Variants in SRPX observed in about 807,000 individuals in gnomAD.
The protein encoded by SRPX is sushi repeat containing protein X-linked, also known as sushi repeat-containing protein SRPX.
SRPX carries 24 observed loss-of-function variants against 38.1 expected under a neutral mutation model. The observed-to-expected ratio is 0.63, with a 90% confidence interval of 0.46 to 0.89. SRPX has a LOEUF of 0.89. SRPX is among the 40% of genes least tolerant of loss of function. The pLI, the probability that SRPX is intolerant of heterozygous loss-of-function variation, is 0.00. For synonymous variants in SRPX, 184 were observed against 153.8 expected (o/e 1.20, Z -1.45); for missense variants, 416 against 377.8 (o/e 1.10, Z -0.84).
chrX:38,181,446 T>C (rs966165656), intron 1 of SRPX, among the ~76,000 whole-genome samples: 2 of 112,375 alleles, frequency 1.8e-5, no homozygotes, highest in African/African-American at 6.5e-5. Flanking sequence ...AACTCTTTTC[T>C]ACAGTTGTGC....
chrX:38,179,231 C>A (rs1242566343), intron 1 of SRPX, among the ~76,000 whole-genome samples: 1 of 112,138 alleles, frequency 8.9e-6, no homozygotes, highest in Non-Finnish European at 1.9e-5. Context: ...CAGGCGTGAG[C>A]CACCGTGCCC....
chrX:38,165,539 G>C (rs777172602), intron 4 of SRPX, among the ~76,000 whole-genome samples: 2 of 111,768 alleles, frequency 1.8e-5, no homozygotes, highest in Non-Finnish European at 3.8e-5. Context: ...ATGCTATGGA[G>C]GTGTAGAGGA....
intron 1 of SRPX, among the ~76,000 whole-genome samples, chrX:38,211,021 G>C (rs1939310798): frequency 8.9e-6 from 1 of 112,024 alleles, no homozygotes; most frequent in Non-Finnish European, 1.9e-5. Context: ...AAATATTTCA[G>C]CTTTGCAGGC....
chrX:38,154,945 G>C (rs45527934), intron 8 of SRPX, among the ~76,000 whole-genome samples: 1 of 110,030 alleles, frequency 9.1e-6, no homozygotes, highest in African/African-American at 3.3e-5. Flanking sequence ...ACTATTTCCA[G>C]AGTCCACTTC....
Position 38,149,541 on chromosome X carries a change from CA to C in SRPX, c.*169del. ...GTCATATAATTTTTTGAAACACTTC[CA>C]AGTACAAAAAGCAGCATGCTAATTT... On this transcript the variant is annotated 3_prime_UTR_variant, in exon 10 of 10. Transcript: ENST00000378533. 1 of 467,118 alleles carries C rather than the reference CA, an allele frequency of 2.1e-6. No individual in the cohort carries two copies. The highest frequency in any genetic ancestry group is 3.3e-6 in the Non-Finnish European group (1 of 300,118). The allele number at this position is 467,118 out of a possible 1,213,427, so 38.5% of individuals were successfully genotyped here. A position where few individuals can be genotyped will look rare whatever the true frequency, so the allele number is the denominator to read the frequency against.
chrX:38,199,006 C>A (rs1271879362), intron 1 of SRPX, among the ~76,000 whole-genome samples: 5 of 110,745 alleles, frequency 4.5e-5, no homozygotes, highest in Admixed American at 2.8e-4. Context: ...TTTTTCATTG[C>A]CATTGGCAAA....
At chrX:38,201,860 G>A (rs5963388) in intron 1 of SRPX, among the ~76,000 whole-genome samples, 39,129 of 109,355 alleles carry the variant, frequency 0.36, 5,690 homozygotes, top group East Asian at 0.69. Context: ...CACTGAATTG[G>A]TGTTGCTCTG....
chrX:38,180,494 T>C lies in SRPX; in HGVS notation c.98-2150A>G, dbSNP rs1408927383. On this transcript the variant is annotated intron_variant, in intron 1 of 9. Transcript: ENST00000378533. ...CCCCATGTACTGATGATAAATCCAT[T>C]GTTTCTAGCCTTGAACTGTCTCCTA... Among the ~76,000 whole-genome samples, 4 of 112,168 alleles carry C rather than the reference T, an allele frequency of 3.6e-5. No homozygotes were observed. In the East Asian group the frequency reaches 8.4e-4, roughly 23 times the overall value.
chrX:38,189,047 A>C (rs1938845603), intron 1 of SRPX, among the ~76,000 whole-genome samples: 1 of 111,444 alleles, frequency 9.0e-6, no homozygotes, highest in Admixed American at 9.6e-5. Flanking sequence ...CCCATGAAAC[A>C]GCAAGCAGAC....
Position 38,160,153 on chromosome X carries a change from C to A in SRPX, c.819G>T (p.Met273Ile), listed in dbSNP as rs773168318. Reference protein sequence around the residue: ...GKLNAPENGYMKCSSDGDNYG... With the variant: ...GKLNAPENGYIKCSSDGDNYG... ...AATTATCACCGTCGCTGGAGCACTT[C>A]ATGTAACCATTCTCTGGGGCATTGA... The change falls in exon 7 of 10, where the codon ATG becomes ATT. Residue 273 changes from methionine to isoleucine, a missense_variant. Transcript: ENST00000378533. 5.8e-6 allele frequency: 7 copies of A among 1,210,606 alleles called. No homozygotes were observed. The East Asian group carries it at 1.8e-4, about 31-fold the overall frequency.
At chrX:38,198,862 A>G (rs1939049707) in intron 1 of SRPX, among the ~76,000 whole-genome samples, 2 of 111,426 alleles carry the variant, frequency 1.8e-5, no homozygotes, top group East Asian at 5.7e-4. Context: ...TATTTTTTAA[A>G]AAGTGCACAA....
chrX:38,157,431 A>C (rs1289999485), intron 7 of SRPX, among the ~76,000 whole-genome samples: 3 of 110,919 alleles, frequency 2.7e-5, no homozygotes, highest in African/African-American at 9.9e-5. Context: ...CTTGGCTAGT[A>C]GTCCCTTCCT....
chrX:38,185,901 G>T (rs1418132964), intron 1 of SRPX, among the ~76,000 whole-genome samples: 100 of 104,997 alleles, frequency 9.5e-4, no homozygotes, highest in African/African-American at 3.0e-3. Context: ...AAAAAAAAGG[G>T]GGGGGGGAGT....
chrX:38,205,260 G>A (rs1939188149), intron 1 of SRPX, among the ~76,000 whole-genome samples: 1 of 112,206 alleles, frequency 8.9e-6, no homozygotes, highest in African/African-American at 3.2e-5. Context: ...AAAAGAGCAG[G>A]TGGCTTTGTT....
intron 4 of SRPX, among the ~76,000 whole-genome samples, chrX:38,166,492 G>T (rs190409548): frequency 1.8e-4 from 20 of 111,773 alleles, no homozygotes; most frequent in East Asian, 1.1e-3. Context: ...TCTCAGAATT[G>T]ATAAAATAAA....
intron 1 of SRPX, among the ~76,000 whole-genome samples, chrX:38,191,377 T>C (rs1001912732): frequency 9.8e-5 from 11 of 112,260 alleles, no homozygotes; most frequent in African/African-American, 3.6e-4. Flanking sequence ...ACTTTAAAAT[T>C]AAATTAAAAC....
At chrX:38,168,536 CAT>C (rs1938403234) in intron 4 of SRPX, among the ~76,000 whole-genome samples, 1 of 112,488 alleles carries the variant, frequency 8.9e-6, no homozygotes, top group South Asian at 3.7e-4. Context: ...TGAGCAATAA[CAT>C]AGTTGTTTGG....
chrX:38,219,540 G>A (rs1404316632), intron 1 of SRPX, among the ~76,000 whole-genome samples: 1 of 111,655 alleles, frequency 9.0e-6, no homozygotes, highest in Non-Finnish European at 1.9e-5. Flanking sequence ...AAACTTAAGA[G>A]TCAGCTCAAA....
At chrX:38,155,980 G>A (rs1938125460) in intron 8 of SRPX, among the ~76,000 whole-genome samples, 1 of 112,092 alleles carries the variant, frequency 8.9e-6, no homozygotes, top group African/African-American at 3.2e-5. Flanking sequence ...AGTGAAAAGA[G>A]ACTTATTATT....
Sources: gnomAD v4.1 joint callset for allele counts (sites outside exome capture counted in the v4.1 genomes callset) on GRCh38, gnomAD v4.1.1 for gene constraint, MANE v1.5 for transcripts, NCBI Gene and HGNC (gene_info 2026-07-23, HGNC 2026-07-21) for gene names.